Variants in CCAR2 observed in about 807,000 individuals in gnomAD.
The protein encoded by CCAR2 is cell cycle and apoptosis regulator 2.
Under a neutral mutation model 108.1 loss-of-function variants are expected in CCAR2, and 21 were observed. That is an observed-to-expected ratio of 0.19 (90% CI 0.14 to 0.28). The LOEUF (loss-of-function observed/expected upper bound fraction) is 0.28, where lower values mean the gene tolerates loss of function less well. Among genes scored for constraint, CCAR2 ranks in the 10% least tolerant of loss-of-function variants. The pLI is 1.00. For missense variants in CCAR2, 1,126 were observed against 1,177.0 expected (o/e 0.96, Z 0.63); for synonymous variants, 577 against 472.8 (o/e 1.22, Z -2.86).
At chr8:22,605,539 G>T (rs868171257) in intron 1 of CCAR2, 197 bp from the exon 2 acceptor site, 6 of 570,690 alleles carry the variant, frequency 1.1e-5, no homozygotes, top group African/African-American at 3.7e-5. Context: ...CTAGGTTATT[G>T]TCAGGGCAAA....
downstream of CCAR2, chr8:22,621,169 G>A (rs536823242): frequency 2.6e-5 from 13 of 507,738 alleles, no homozygotes; most frequent in African/African-American, 1.5e-4. Context: ...GATGCATGCT[G>A]GACGGTTCTC....
At chr8:22,615,249 A>C (rs2117450302) in intron 11 of CCAR2, 176 bp from the exon 12 acceptor site, 1 of 913,562 alleles carries the variant, frequency 1.1e-6, no homozygotes, top group Non-Finnish European at 1.6e-6. Context: ...CGGCCTCCCC[A>C]CTGACTGATC....
intron 7 of CCAR2, among the ~76,000 whole-genome samples, chr8:22,612,236 C>T (rs1296112237): frequency 1.3e-5 from 2 of 151,896 alleles, no homozygotes; most frequent in East Asian, 1.9e-4. Flanking sequence ...CGTGAGCCAC[C>T]GCGCCCAGCC....
At position 22,604,855 on chromosome 8, in the gene CCAR2, G is replaced by A. The variant is rs1013048562; in HGVS notation, c.-39+13G>A. The A allele has an allele frequency of 1.3e-5, 6 of 451,632 alleles. No homozygotes were observed. Among genetic ancestry groups the A allele is most frequent in the East Asian group, 1.4e-4 (2 of 14,194 alleles). The allele number at this position is 451,632 out of a possible 1,614,324, so 28.0% of individuals were successfully genotyped here. A position where few individuals can be genotyped will look rare whatever the true frequency, so the allele number is the denominator to read the frequency against. On this transcript the variant is annotated intron_variant, in intron 1 of 20. Coordinates refer to ENST00000308511, the MANE Select transcript of CCAR2 (RefSeq NM_001393997.1). The stretch of plus-strand genomic sequence containing the variant: ...CCCTGGCCCGCAGGTGGGTTGGGGG[G>A]CCCCCTGCCGCCCCTCTGCCCCTTC...
In CCAR2 at chr8:22,615,613, G is replaced by GC; in HGVS notation, c.1377+19dup. ...GCACAAGGGGTAAGGCTGTGCCTTA[G>GC]CCAGCAGCGGGGGATATAGGTGGCC... On this transcript the variant is annotated intron_variant, in intron 12 of 20. Transcript: ENST00000308511. 1 of 1,613,692 alleles carries GC rather than the reference G, an allele frequency of 6.2e-7. No individual in the cohort carries two copies. The highest frequency in any genetic ancestry group is 1.7e-5 in the Admixed American group (1 of 60,020).
At chr8:22,611,632 C>T (rs993241230) in intron 7 of CCAR2, among the ~76,000 whole-genome samples, 1 of 152,078 alleles carries the variant, frequency 6.6e-6, no homozygotes. Context: ...ATACTTTTTG[C>T]AATTTTAATC....
intron 13 of CCAR2, 35 bp from the exon 14 acceptor site, chr8:22,615,977 C>A (rs1380794695): frequency 1.2e-6 from 2 of 1,612,806 alleles, no homozygotes; most frequent in African/African-American, 1.3e-5. Context: ...AGTCTTTCTT[C>A]CTGATGCTCA....
Position 22,604,857 on chromosome 8 carries a change from C to T in CCAR2, c.-39+15C>T, listed in dbSNP as rs983722388. On this transcript the variant is annotated intron_variant, in intron 1 of 20. Coordinates refer to ENST00000308511, the MANE Select transcript of CCAR2 (RefSeq NM_001393997.1). Reference sequence around the variant, plus strand: ...CTGGCCCGCAGGTGGGTTGGGGGGCCCCCTGCCGCCCCTCTGCCCCTTCGC... The same window carrying T: ...CTGGCCCGCAGGTGGGTTGGGGGGCTCCCTGCCGCCCCTCTGCCCCTTCGC... 2.2e-6 allele frequency: 1 copy of T among 451,826 alleles called. No homozygotes were observed. Among genetic ancestry groups the T allele is most frequent in the Non-Finnish European group, 4.4e-6 (1 of 225,204 alleles). The allele number at this position is 451,826 out of a possible 1,614,324, so 28.0% of individuals were successfully genotyped here. A position where few individuals can be genotyped will look rare whatever the true frequency, so the allele number is the denominator to read the frequency against.
At chr8:22,612,985 T>C (rs1563915061) in intron 7 of CCAR2, 32 bp from the exon 8 acceptor site, 1 of 1,602,082 alleles carries the variant, frequency 6.2e-7, no homozygotes, top group Non-Finnish European at 8.5e-7. Context: ...AACAATGTGG[T>C]TTCTTACTGT....
chr8:22,611,382 A>G (rs1176840271), intron 7 of CCAR2, among the ~76,000 whole-genome samples: 1 of 15,224 alleles, frequency 6.6e-5, no homozygotes, highest in East Asian at 2.2e-3. Flanking sequence ...AAAAAAAAGT[A>G]TATATATGTG....
rs1050087402 is a variant in CCAR2 at position 22,618,987 on chromosome 8, C to T, written c.2493C>T (p.Asn831=). The T allele has an allele frequency of 6.2e-7, 1 of 1,613,340 alleles. No homozygotes were observed. The highest frequency in any genetic ancestry group is 2.2e-5 in the East Asian group (1 of 44,898). The change falls in exon 19 of 21, where the codon AAC becomes AAT. Residue 831 remains asparagine (N), a synonymous_variant. Transcript: ENST00000308511. ...ACAGCGGCCGGCTCTACCTAGAGAA[C>T]AAGATCCACACACTGGAGCTGAAGC... ...QQDSGRLYLE[N]KIHTLELKLE...
rs1249329244 is a variant in CCAR2 at position 22,614,239 on chromosome 8, T to C, written c.852T>C (p.Ser284=). ...ATCATCCAAGCCGGATCCAGGTCTC[T>C]TCTGAAAAGGAGGCAGCTCCAGACG... ...SLHHPSRIQV[S]SEKEAAPDAG... Residue 284 remains serine, a synonymous_variant, in exon 9 of 21, where the codon TCT becomes TCC. Coordinates refer to ENST00000308511, the MANE Select transcript of CCAR2 (RefSeq NM_001393997.1). The C allele has an allele frequency of 1.2e-6, 2 of 1,613,958 alleles. No homozygotes were observed. Among genetic ancestry groups the C allele is most frequent in the Non-Finnish European group, 1.7e-6 (2 of 1,180,042 alleles).
At chr8:22,618,225 G>A (rs1801601459) in intron 16 of CCAR2, 124 bp from the exon 17 acceptor site, 2 of 1,298,792 alleles carry the variant, frequency 1.5e-6, no homozygotes, top group African/African-American at 2.9e-5. Flanking sequence ...CCAGCAGCTG[G>A]GACTTCAGGC....
Position 22,607,291 on chromosome 8 carries a change from G to T in CCAR2, c.453G>T (p.Gln151His), listed in dbSNP as rs763622075. 6 of 1,613,356 alleles carry T rather than the reference G, an allele frequency of 3.7e-6. No homozygotes were observed. Among genetic ancestry groups the T allele is most frequent in the Non-Finnish European group, 5.1e-6 (6 of 1,180,004 alleles). The change falls in exon 6 of 21, where the codon CAG becomes CAT. Residue 151 changes from glutamine to histidine, a missense_variant. This residue lies in a region of CCAR2 where 44 missense variants were observed against 63.4 expected (regional missense o/e 0.69). Coordinates refer to ENST00000308511, the MANE Select transcript of CCAR2 (RefSeq NM_001393997.1). ...ILGAQPQLIF[Q>H]PHRIPPLFPQ... ...GAGCTCAGCCTCAGTTGATCTTCCA[G>T]CCTCACCGGATTCCCCCACTCTTTC...
chr8:22,620,749 T>C (rs1038629601), downstream of CCAR2: 4 of 152,354 alleles, frequency 2.6e-5, no homozygotes, highest in African/African-American at 7.2e-5. Flanking sequence ...AAAAATAAAA[T>C]TCCAGATACT....
intron 1 of CCAR2, 29 bp from the exon 2 acceptor site, chr8:22,605,707 C>T: frequency 7.5e-7 from 1 of 1,332,416 alleles, no homozygotes; most frequent in Non-Finnish European, 1.1e-6. Flanking sequence ...CCCTTATAAG[C>T]TGTTAATTTC....
In CCAR2 at chr8:22,606,098, A is replaced by G. The variant is rs1293886661; in HGVS notation, c.72A>G (p.Thr24=). The G allele has an allele frequency of 6.2e-6, 10 of 1,613,864 alleles. No individual in the cohort carries two copies. The highest frequency in any genetic ancestry group is 2.2e-5 in the East Asian group (1 of 44,890). Residue 24 remains threonine (T), a synonymous_variant, in exon 3 of 21, where the codon ACA becomes ACG. Transcript: ENST00000308511. ...CTTTCCCCATAGGCACAGCTTCAACATCTCTTCTGGGCCCTCCTCCTGGTT... is the reference window on the plus strand; with the variant it reads ...CTTTCCCCATAGGCACAGCTTCAACGTCTCTTCTGGGCCCTCCTCCTGGTT... ...GGRNFSGTAS[T]SLLGPPPGLL...
chr8:22,619,908 T>C lies in CCAR2; in HGVS notation c.*226T>C. On this transcript the variant is annotated 3_prime_UTR_variant, in exon 21 of 21. Coordinates refer to ENST00000308511, the MANE Select transcript of CCAR2 (RefSeq NM_001393997.1). ...TTCCACTTAACAACTAAATACAACATCTTTTGCACCCCTAGAATGTCATTT... is the reference window on the plus strand; with the variant it reads ...TTCCACTTAACAACTAAATACAACACCTTTTGCACCCCTAGAATGTCATTT... The C allele has an allele frequency of 1.7e-6, 1 of 577,924 alleles. No homozygotes were observed. Among genetic ancestry groups the C allele is most frequent in the Non-Finnish European group, 3.1e-6 (1 of 322,154 alleles). 35.8% of individuals were successfully genotyped at this position (577,924 alleles called of 1,614,324 possible). A position where few individuals can be genotyped will look rare whatever the true frequency, so the allele number is the denominator to read the frequency against.
At chr8:22,614,048 T>C (rs1298927703) in intron 8 of CCAR2, 44 bp from the exon 9 acceptor site, 13 of 1,542,392 alleles carry the variant, frequency 8.4e-6, no homozygotes, top group Non-Finnish European at 1.2e-5. Context: ...TTTCGAATGT[T>C]TTAGTCTTTG....
Sources: gnomAD v4.1 joint callset for allele counts (sites outside exome capture counted in the v4.1 genomes callset) on GRCh38, gnomAD v4.1.1 for gene constraint, gnomAD v4.1.1 regional missense constraint, MANE v1.5 for transcripts, NCBI Gene and HGNC (gene_info 2026-07-23, HGNC 2026-07-21) for gene names.